The following NIT2 variants were observed in gnomAD, a reference collection of about 807,000 sequenced individuals.
NIT2 encodes the protein omega-amidase NIT2.
NIT2 carries 46 observed loss-of-function variants against 42.7 expected under a neutral mutation model. That is an observed-to-expected ratio of 1.08 (90% CI 0.85 to 1.38). The LOEUF is 1.38. Among genes scored for constraint, NIT2 ranks in the 40% most tolerant of loss-of-function variants. The pLI, the probability that NIT2 is intolerant of heterozygous loss-of-function variation, is 0.00. For synonymous variants in NIT2, 123 were observed against 121.9 expected (o/e 1.01, Z -0.06); for missense variants, 309 against 342.5 (o/e 0.90, Z 0.77).
rs1275697093 is a variant in NIT2, at chr3:100,345,458, GT to G, written c.337-124del. The G allele has an allele frequency of 1.1e-5, 7 of 658,918 alleles. No individual in the cohort carries two copies. The Admixed American group carries it at 1.7e-4, about 16-fold the overall frequency. The allele number at this position is 658,918 out of a possible 1,614,324, so 40.8% of individuals were successfully genotyped here. On this transcript the variant is annotated intron_variant, in intron 4 of 9. Transcript: ENST00000394140. ...CAGCTTGTGGGGTGGATTATAAGCA[GT>G]TTGGGGGTGCTGTTTGTATAGTTAA... is the stretch of plus-strand genomic sequence containing the variant.
Sources: allele counts gnomAD v4.1 joint callset, GRCh38; gene constraint gnomAD v4.1.1; transcripts MANE v1.5; gene names NCBI Gene and HGNC (gene_info 2026-07-23, HGNC 2026-07-21).